The following CTBP1 variants were observed in gnomAD, a reference collection of about 807,000 sequenced individuals.
CTBP1 encodes the protein C-terminal-binding protein 1.
CTBP1 carries 11 observed loss-of-function variants against 42.1 expected under a neutral mutation model. The observed-to-expected ratio is 0.26, with a 90% CI of 0.16 to 0.43. The LOEUF (loss-of-function observed/expected upper bound fraction) is 0.43. CTBP1 is among the 20% of genes least tolerant of loss of function. The pLI is 1.00. For missense variants in CTBP1, 399 were observed against 624.3 expected (o/e 0.64, Z 3.85); for synonymous variants, 324 against 277.1 (o/e 1.17, Z -1.68).
At chr4:1,223,617 G>A (rs1341306043) in intron 5 of CTBP1, 1 of 401,738 alleles carries the variant, frequency 2.5e-6, no homozygotes, top group Non-Finnish European at 5.0e-6. Context: ...GATCTGGGGA[G>A]ACAGGCAGCT....
intron 1 of CTBP1, chr4:1,242,883 C>T: frequency 1.0e-6 from 1 of 985,434 alleles, no homozygotes; most frequent in South Asian, 4.7e-5. Flanking sequence ...AGGCACCGCG[C>T]CACCCACGCC....
chr4:1,246,839 C>T (rs190697665), intron 1 of CTBP1, among the ~76,000 whole-genome samples: 39 of 138,354 alleles, frequency 2.8e-4, no homozygotes, highest in African/African-American at 9.0e-4. Context: ...AGGGTTCCTC[C>T]AGAAAAAATT....
rs940502393 is a variant in CTBP1 at position 1,214,487 on chromosome 4, G to A, written c.730-14C>T. The stretch of plus-strand genomic sequence containing the variant: ...CCCTTGTCTCATCTAGAAGACATAA[G>A]GACAGGCCAGGCCCAGTCAGGGATC... On this transcript the variant is annotated splice_polypyrimidine_tract_variant and intron_variant, in intron 6 of 9. Transcript: ENST00000382952. 5.1e-6 allele frequency: 8 copies of A among 1,569,260 alleles called. No individual in the cohort carries two copies. The highest frequency in any genetic ancestry group is 2.4e-5 in the East Asian group (1 of 41,810).
At chr4:1,228,970 T>G (rs1056464338) in intron 3 of CTBP1, among the ~76,000 whole-genome samples, 1 of 152,262 alleles carries the variant, frequency 6.6e-6, no homozygotes, top group Admixed American at 6.5e-5. Flanking sequence ...GGCTTGGGTC[T>G]GAGCAGTGTT....
chr4:1,240,616 C>T (rs908885079), intron 2 of CTBP1, among the ~76,000 whole-genome samples: 72 of 141,756 alleles, frequency 5.1e-4, no homozygotes, highest in African/African-American at 1.7e-3. Context: ...TCGTCGGAAC[C>T]GCGTGGGGGA....
chr4:1,246,029 A>G (rs541031483), intron 1 of CTBP1, among the ~76,000 whole-genome samples: 1 of 152,168 alleles, frequency 6.6e-6, no homozygotes, highest in Non-Finnish European at 1.5e-5. Flanking sequence ...CTGGCTTCAC[A>G]GGGAAAAAAA....
intron 5 of CTBP1, chr4:1,221,712 C>G (rs572118500): frequency 1.2e-4 from 44 of 360,376 alleles, no homozygotes; most frequent in Non-Finnish European, 2.2e-4. Flanking sequence ...CCCGGGTCCT[C>G]GCAGGGTCGT....
intron 4 of CTBP1, among the ~76,000 whole-genome samples, chr4:1,227,586 C>T (rs1329821031): frequency 2.0e-5 from 3 of 147,522 alleles, no homozygotes; most frequent in Non-Finnish European, 3.0e-5. Context: ...GTGCGTGATC[C>T]GTGTGCTGAG....
At chr4:1,215,777 G>A (rs1352540069) in intron 6 of CTBP1, 3 of 598,850 alleles carry the variant, frequency 5.0e-6, no homozygotes. Context: ...CTTGTCCAGA[G>A]AGTATTTTAG....
chr4:1,222,938 C>A (rs1445221663), intron 5 of CTBP1, among the ~76,000 whole-genome samples: 2 of 152,144 alleles, frequency 1.3e-5, no homozygotes, highest in African/African-American at 2.4e-5. Flanking sequence ...AGCCCATACC[C>A]CCCCCACATC....
At chr4:1,222,032 C>A (rs1226407824) in intron 5 of CTBP1, among the ~76,000 whole-genome samples, 2 of 152,212 alleles carry the variant, frequency 1.3e-5, no homozygotes, top group Admixed American at 6.5e-5. Context: ...CTGTAGCCAC[C>A]ACACACGCGG....
chr4:1,227,570 CTGAGTGT>C (rs1368658290), intron 4 of CTBP1, among the ~76,000 whole-genome samples: 1 of 130,498 alleles, frequency 7.7e-6, no homozygotes, highest in African/African-American at 3.0e-5. Context: ...GTTCTGTGTG[CTGAGTGT>C]GCGTGATCCG....
chr4:1,214,070 A>C, intron 7 of CTBP1: 1 of 483,518 alleles, frequency 2.1e-6, no homozygotes. Flanking sequence ...ACTCACAGAC[A>C]CTGGGGCCTC....
chr4:1,224,608 T>C (rs1730125875), intron 5 of CTBP1, among the ~76,000 whole-genome samples: 1 of 147,960 alleles, frequency 6.8e-6, no homozygotes, highest in Non-Finnish European at 1.5e-5. Flanking sequence ...CGATGTCTTG[T>C]GTGAGGCCTG....
intron 5 of CTBP1, chr4:1,216,592 C>A (rs528759182): frequency 1.3e-5 from 4 of 313,720 alleles, no homozygotes; most frequent in South Asian, 4.5e-5. Context: ...GCTGGCCTTT[C>A]GATCCACCCA....
intron 3 of CTBP1, 73 bp from the exon 4 acceptor site, chr4:1,228,416 G>A: frequency 2.6e-6 from 4 of 1,535,416 alleles, no homozygotes; most frequent in African/African-American, 1.4e-5. Flanking sequence ...GGGTGGGGCT[G>A]CCCCGGCTGG....
At chr4:1,243,880 G>A (rs1732443207) in intron 1 of CTBP1, 2 of 985,362 alleles carry the variant, frequency 2.0e-6, no homozygotes, top group Middle Eastern at 5.2e-4. Flanking sequence ...CACGAGGACA[G>A]TCTCCAGCTT....
At chr4:1,221,821 A>G in intron 5 of CTBP1, 1 of 447,636 alleles carries the variant, frequency 2.2e-6, no homozygotes, top group Non-Finnish European at 4.5e-6. Context: ...GAATGTGTAC[A>G]ATGTTTTCCT....
intron 2 of CTBP1, among the ~76,000 whole-genome samples, chr4:1,241,067 T>C (rs549479342): frequency 3.7e-4 from 56 of 152,302 alleles, no homozygotes; most frequent in Non-Finnish European, 7.1e-4. Flanking sequence ...TCTCAGACAC[T>C]TTCCGACAGA....
Sources: gnomAD v4.1 joint callset for allele counts (sites outside exome capture counted in the v4.1 genomes callset) on GRCh38, gnomAD v4.1.1 for gene constraint, MANE v1.5 for transcripts, NCBI Gene and HGNC (gene_info 2026-07-23, HGNC 2026-07-21) for gene names.